KEAP1: variants seen among roughly 807,000 people sequenced by gnomAD.
KEAP1 encodes the protein kelch-like ECH-associated protein 1.
KEAP1 carries 26 observed loss-of-function variants against 59.7 expected under a neutral mutation model. That is an observed-to-expected ratio of 0.44 (90% confidence interval 0.32 to 0.60). The LOEUF (loss-of-function observed/expected upper bound fraction) is 0.60, where lower values mean the gene tolerates loss of function less well. Among genes scored for constraint, KEAP1 ranks in the 20% least tolerant of loss-of-function variants. The pLI, the probability that KEAP1 is intolerant of heterozygous loss-of-function variation, is 0.06. For missense variants in KEAP1, 539 were observed against 871.4 expected (o/e 0.62, Z 4.80); for synonymous variants, 350 against 358.3 (o/e 0.98, Z 0.26).
At chr19:10,487,724 A>G (rs981462667) in intron 5 of KEAP1, among the ~76,000 whole-genome samples, 2 of 151,768 alleles carry the variant, frequency 1.3e-5, no homozygotes, top group Admixed American at 1.3e-4. Context: ...GGCCGGGCAC[A>G]GTGGCTCATG....
At chr19:10,501,436 TG>T (rs1028302069) in intron 1 of KEAP1, among the ~76,000 whole-genome samples, 4 of 151,656 alleles carry the variant, frequency 2.6e-5, no homozygotes, top group Non-Finnish European at 4.4e-5. Flanking sequence ...GAGACCATCC[TG>T]GCTAACATGG....
chr19:10,488,174 C>T (rs1453440923), intron 5 of KEAP1, among the ~76,000 whole-genome samples: 1 of 152,056 alleles, frequency 6.6e-6, no homozygotes, highest in Non-Finnish European at 1.5e-5. Flanking sequence ...GTATTCCCAG[C>T]TACTCAGGAG....
chr19:10,494,933 C>T (rs946849854), intron 2 of KEAP1, among the ~76,000 whole-genome samples: 1 of 151,292 alleles, frequency 6.6e-6, no homozygotes, highest in Non-Finnish European at 1.5e-5. Context: ...GGATTACAGG[C>T]GTGAGCCAAC....
chr19:10,501,897 T>G (rs972444597), intron 1 of KEAP1, among the ~76,000 whole-genome samples: 1 of 152,072 alleles, frequency 6.6e-6, no homozygotes, highest in African/African-American at 2.4e-5. Context: ...TCCCCACAAG[T>G]GGATCTGCAA....
intron 2 of KEAP1, among the ~76,000 whole-genome samples, chr19:10,498,151 T>C (rs7252654): frequency 0.25 from 36,800 of 150,108 alleles, 4,956 homozygotes; most frequent in African/African-American, 0.35. Flanking sequence ...CTGCCCACCT[T>C]GGCCTTCCAA....
intron 1 of KEAP1, 112 bp from the exon 2 acceptor site, chr19:10,500,192 G>A (rs1205072014): frequency 4.0e-6 from 3 of 757,468 alleles, no homozygotes; most frequent in African/African-American, 3.5e-5. Context: ...CTGCAAAGTA[G>A]GTGAAGCAGA....
At chr19:10,489,614 C>T (rs1914598250) in intron 4 of KEAP1, 34 bp downstream of exon 4, 1 of 1,606,176 alleles carries the variant, frequency 6.2e-7, no homozygotes, top group African/African-American at 1.3e-5. Flanking sequence ...AGGGGGTGTT[C>T]CTGGGTGCTC....
At chr19:10,489,538 A>AC (rs1914595646) in intron 4 of KEAP1, 110 bp downstream of exon 4, 1 of 1,334,642 alleles carries the variant, frequency 7.5e-7, no homozygotes. Context: ...TTCTGTGGTT[A>AC]CCCCAGCATG....
intron 5 of KEAP1, among the ~76,000 whole-genome samples, chr19:10,487,743 C>T (rs1914516064): frequency 6.6e-6 from 1 of 152,120 alleles, no homozygotes; most frequent in Non-Finnish European, 1.5e-5. Flanking sequence ...TGCCTGTAAT[C>T]CCAGGACTTT....
intron 5 of KEAP1, 97 bp downstream of exon 5, chr19:10,489,094 TA>T (rs33966407): frequency 0.13 from 53,856 of 418,520 alleles, 465 homozygotes; most frequent in East Asian, 0.19. Flanking sequence ...ACCTTGTTTC[TA>T]AAAAAAAAAA....
At chr19:10,498,294 G>A (rs1360533850) in intron 2 of KEAP1, among the ~76,000 whole-genome samples, 6 of 147,674 alleles carry the variant, frequency 4.1e-5, no homozygotes, top group Middle Eastern at 7.2e-3. Context: ...CCACCTCCCC[G>A]GTTCAAGCGA....
At chr19:10,497,194 C>T (rs1291696683) in intron 2 of KEAP1, among the ~76,000 whole-genome samples, 1 of 151,882 alleles carries the variant, frequency 6.6e-6, no homozygotes, top group Non-Finnish European at 1.5e-5. Flanking sequence ...CATGTTCATA[C>T]AAACACAAGA....
intron 2 of KEAP1, among the ~76,000 whole-genome samples, chr19:10,493,369 A>T (rs1234093723): frequency 6.6e-6 from 1 of 151,656 alleles, no homozygotes; most frequent in Non-Finnish European, 1.5e-5. Context: ...TCACCGTGTT[A>T]GCCAGGATGG....
At chr19:10,488,110 G>A (rs764525175) in intron 5 of KEAP1, among the ~76,000 whole-genome samples, 20 of 150,398 alleles carry the variant, frequency 1.3e-4, no homozygotes, top group Admixed American at 8.7e-4. Flanking sequence ...CATGGGCAAC[G>A]AAAGTGAAAC....
Position 10,499,560 on chromosome 19 carries a change from A to G in KEAP1, c.474T>C (p.Gly158=), listed in dbSNP as rs1048287. Residue 158 remains glycine (G), a synonymous_variant, in exon 2 of 6, where the codon GGT becomes GGC. Transcript: ENST00000171111. This position sits in a 1 kb window ranked among gnomAD's most constrained non-coding sequence, Gnocchi z 6.7. ...CGCTGTCGATCTGGTACATGACAGC[A>G]CCGTTCATGACGTGGAGGACACACT... ...GEKCVLHVMN[G]AVMYQIDSVV... is the part of the protein sequence containing the mutation. 0.092 allele frequency: 148,549 copies of G among 1,614,064 alleles called. 7,612 individuals carry two copies. Among genetic ancestry groups the G allele is most frequent in the African/African-American group, 0.18 (13,444 of 75,032 alleles).
intron 1 of KEAP1, among the ~76,000 whole-genome samples, chr19:10,501,523 G>A (rs573674666): frequency 6.6e-6 from 1 of 152,128 alleles, no homozygotes; most frequent in South Asian, 2.1e-4. Flanking sequence ...CCAGCTACAT[G>A]GGAGGCTGAG....
rs1914677452 is a variant in KEAP1, at chr19:10,491,701, T to C, written c.1201A>G (p.Asn401Asp). The change falls in exon 3 of 6, where the codon AAT becomes GAT. Residue 401 changes from asparagine (N) to aspartate (D), a missense_variant. Coordinates refer to ENST00000171111, the MANE Select transcript of KEAP1 (RefSeq NM_203500.2). This position sits in a 1 kb window ranked among gnomAD's most constrained non-coding sequence, Gnocchi z 5.2. Reference protein sequence around the residue: ...SALDCYNPMTNQWSPCAPMSV... With the variant: ...SALDCYNPMTDQWSPCAPMSV... ...ATGGGGGCGCAGGGCGACCACTGAT[T>C]GGTCATGGGGTTGTAACAGTCCAGG... 1.9e-6 allele frequency: 3 copies of C among 1,569,154 alleles called. No homozygotes were observed. The highest frequency in any genetic ancestry group is 1.2e-5 in the South Asian group (1 of 84,800).
intron 2 of KEAP1, among the ~76,000 whole-genome samples, chr19:10,493,654 C>A (rs1249637966): frequency 6.9e-6 from 1 of 144,442 alleles, no homozygotes; most frequent in Admixed American, 6.9e-5. Context: ...CTCCACCTCC[C>A]GGGTTCACGC....
At position 10,500,019 on chromosome 19, in the gene KEAP1, G is replaced by C. The variant is rs2144631640; in HGVS notation, c.15C>G (p.Pro5=). 1 of 1,553,686 alleles carries C rather than the reference G, an allele frequency of 6.4e-7. No individual in the cohort carries two copies. Among genetic ancestry groups the C allele is most frequent in the Non-Finnish European group, 8.7e-7 (1 of 1,147,580 alleles). ...AGCAGGCCCCAGCCCCGCTAGGCCT[G>C]GGATCTGGCTGCATGGGGTTCCAGA... MQPD[P]RPSGAGACCR... Residue 5 remains proline (P), a synonymous_variant, in exon 2 of 6, where the codon CCC becomes CCG. Transcript: ENST00000171111.
Sources: allele counts gnomAD v4.1 joint callset (sites outside exome capture counted in the v4.1 genomes callset), GRCh38; gene constraint gnomAD v4.1.1; non-coding constraint Gnocchi (gnomAD v3.1); transcripts MANE v1.5; gene names NCBI Gene and HGNC (gene_info 2026-07-23, HGNC 2026-07-21).